MYO5A: variants seen among roughly 807,000 people sequenced by gnomAD.
MYO5A encodes the protein myosin VA.
In MYO5A, 98 loss-of-function variants were observed where a neutral mutation model predicts 249.7. The observed-to-expected ratio is 0.39, with a 90% CI of 0.33 to 0.46. The LOEUF (loss-of-function observed/expected upper bound fraction) is 0.46. Among genes scored for constraint, MYO5A ranks in the 20% least tolerant of loss-of-function variants. The pLI is 0.98. For synonymous variants in MYO5A, 778 were observed against 810.6 expected, an observed-to-expected ratio of 0.96 and a Z score of 0.68; for missense variants, 1,696 against 2,308.8, an observed-to-expected ratio of 0.73 and a Z score of 5.44.
intron 6 of MYO5A, among the ~76,000 whole-genome samples, chr15:52,409,206 G>A (rs553142441): frequency 5.9e-5 from 9 of 152,138 alleles, no homozygotes; most frequent in South Asian, 4.1e-4. Flanking sequence ...CTTTGGTCAC[G>A]TACTGACCAA....
chr15:52,514,576 A>G (rs1196248305), intron 1 of MYO5A, among the ~76,000 whole-genome samples: 2 of 152,228 alleles, frequency 1.3e-5, no homozygotes, highest in African/African-American at 4.8e-5. Flanking sequence ...ACTGAATGCC[A>G]GGAGGGAAAC....
At chr15:52,357,195 T>C (rs998328175) in intron 25 of MYO5A, among the ~76,000 whole-genome samples, 6 of 152,144 alleles carry the variant, frequency 3.9e-5, no homozygotes, top group South Asian at 2.1e-4. Flanking sequence ...GAAGCTTATT[T>C]ACAATGTAAA....
intron 1 of MYO5A, among the ~76,000 whole-genome samples, chr15:52,507,326 C>T (rs1249138450): frequency 6.6e-6 from 1 of 152,156 alleles, no homozygotes; most frequent in Non-Finnish European, 1.5e-5. Context: ...CAGCAGAAAA[C>T]TGGTTAAGAA....
chr15:52,324,557 T>C (rs2038503269), intron 36 of MYO5A, among the ~76,000 whole-genome samples: 1 of 152,200 alleles, frequency 6.6e-6, no homozygotes, highest in African/African-American at 2.4e-5. Flanking sequence ...CATCAAATGG[T>C]CTTAGAAGCT....
chr15:52,415,266 G>T (rs900445612), intron 5 of MYO5A, among the ~76,000 whole-genome samples: 2 of 152,218 alleles, frequency 1.3e-5, no homozygotes, highest in Admixed American at 6.5e-5. Flanking sequence ...AGGAAGGTTT[G>T]CTTCTGCATG....
At chr15:52,393,724 T>C (rs2141173712) in intron 11 of MYO5A, among the ~76,000 whole-genome samples, 1 of 152,154 alleles carries the variant, frequency 6.6e-6, no homozygotes, top group East Asian at 1.9e-4. Flanking sequence ...TAACGAGCTA[T>C]TATAAGCTTT....
chr15:52,380,361 G>C (rs997318496), intron 16 of MYO5A, among the ~76,000 whole-genome samples: 1 of 151,960 alleles, frequency 6.6e-6, no homozygotes, highest in African/African-American at 2.4e-5. Context: ...ACTTGAACCT[G>C]GGAGGTAGAG....
chr15:52,394,772 T>C (rs889260442), intron 11 of MYO5A, among the ~76,000 whole-genome samples: 5 of 152,196 alleles, frequency 3.3e-5, no homozygotes, highest in South Asian at 2.1e-4. Flanking sequence ...GGAAACACAA[T>C]GGGAAAGAGT....
At chr15:52,471,382 T>A (rs1033403858) in intron 1 of MYO5A, among the ~76,000 whole-genome samples, 3 of 152,072 alleles carry the variant, frequency 2.0e-5, no homozygotes, top group Non-Finnish European at 4.4e-5. Context: ...GGTGGGAGGA[T>A]CGCTTGAGCC....
At chr15:52,382,036 G>A (rs904889191) in intron 16 of MYO5A, among the ~76,000 whole-genome samples, 3 of 151,884 alleles carry the variant, frequency 2.0e-5, no homozygotes, top group Non-Finnish European at 4.4e-5. Flanking sequence ...CCGAGTAGCT[G>A]GGATTACAGG....
In MYO5A at chr15:52,397,379, C is replaced by T. The variant is rs933799875; in HGVS notation, c.1141G>A (p.Ala381Thr). The T allele has an allele frequency of 6.2e-7, 1 of 1,614,080 alleles. No individual in the cohort carries two copies. The highest frequency in any genetic ancestry group is 8.5e-7 in the Non-Finnish European group (1 of 1,180,000). The change falls in exon 10 of 42, where the codon GCT (alanine) becomes ACT (threonine). Residue 381 changes from alanine (A) to threonine (T), a missense_variant. Around this residue, in one of 5 missense-constraint regions of MYO5A, gnomAD observed 185 missense variants for 204.8 expected, o/e 0.90. Coordinates refer to ENST00000399233, the MANE Select transcript of MYO5A (RefSeq NM_001382347.1). ...TTGATGTATGTCTCTGTGGCAGTAG[C>T]CAGTTTCCGATGGCAGAGCCAGTGA... ...MCHWLCHRKL[A>T]TATETYIKPI...
chr15:52,444,287 T>C (rs894948699), intron 1 of MYO5A, among the ~76,000 whole-genome samples: 1 of 152,096 alleles, frequency 6.6e-6, no homozygotes, highest in South Asian at 2.1e-4. Context: ...CATCTATAAT[T>C]AGCTGGTGGT....
intron 1 of MYO5A, among the ~76,000 whole-genome samples, chr15:52,477,409 T>C (rs2076619446): frequency 6.6e-6 from 1 of 152,240 alleles, no homozygotes; most frequent in African/African-American, 2.4e-5. Context: ...CTCGTCAAAG[T>C]CATTCTCCGT....
chr15:52,495,270 A>T (rs192060495), intron 1 of MYO5A, among the ~76,000 whole-genome samples: 74 of 152,328 alleles, frequency 4.9e-4, no homozygotes, highest in African/African-American at 1.8e-3. Flanking sequence ...CCTGGAGGAC[A>T]TTATGTTAAG....
chr15:52,325,584 TAG>T (rs1453085003), intron 36 of MYO5A, among the ~76,000 whole-genome samples: 1 of 151,976 alleles, frequency 6.6e-6, no homozygotes, highest in Non-Finnish European at 1.5e-5. Flanking sequence ...TTATGTTTTA[TAG>T]AGACAGGGTC....
intron 14 of MYO5A, 48 bp downstream of exon 14, chr15:52,387,781 T>G: frequency 7.5e-7 from 1 of 1,341,602 alleles, no homozygotes; most frequent in South Asian, 1.2e-5. Context: ...GTTAAAAAGC[T>G]AATGCTTTGC....
intron 1 of MYO5A, among the ~76,000 whole-genome samples, chr15:52,513,651 G>A (rs925199822): frequency 1.5e-4 from 22 of 151,428 alleles, no homozygotes; most frequent in Admixed American, 3.3e-4. Flanking sequence ...GGCTGGTCTC[G>A]AACTCCTGAC....
chr15:52,464,029 G>A (rs931674998), intron 1 of MYO5A, among the ~76,000 whole-genome samples: 1 of 152,168 alleles, frequency 6.6e-6, no homozygotes, highest in African/African-American at 2.4e-5. Context: ...CTTTCCAACT[G>A]TGTGACCTTG....
chr15:52,519,941 A>G (rs2077581871), intron 1 of MYO5A, among the ~76,000 whole-genome samples: 2 of 152,018 alleles, frequency 1.3e-5, no homozygotes, highest in Admixed American at 6.6e-5. Flanking sequence ...GTGTTAGCCA[A>G]GCTGGTCTCA....
Sources: allele counts gnomAD v4.1 joint callset (sites outside exome capture counted in the v4.1 genomes callset), GRCh38; gene constraint gnomAD v4.1.1; regional missense constraint gnomAD v4.1.1; transcripts MANE v1.5; gene names NCBI Gene and HGNC (gene_info 2026-07-23, HGNC 2026-07-21).